The following RBMS3 variants were observed in gnomAD, a reference collection of about 807,000 sequenced individuals.
The protein encoded by RBMS3 is RNA-binding motif, single-stranded-interacting protein 3.
Under a neutral mutation model 66.8 loss-of-function variants are expected in RBMS3, and 27 were observed. The observed-to-expected ratio is 0.40, with a 90% CI of 0.30 to 0.56. The LOEUF (loss-of-function observed/expected upper bound fraction) is 0.56. Among genes scored for constraint, RBMS3 ranks in the 20% least tolerant of loss-of-function variants. The pLI, the probability that RBMS3 is intolerant of heterozygous loss-of-function variation, is 0.40. For missense variants in RBMS3, 513 were observed against 549.5 expected, an observed-to-expected ratio of 0.93 and a Z score of 0.66; for synonymous variants, 188 against 183.0, an observed-to-expected ratio of 1.03 and a Z score of -0.22.
intron 7 of RBMS3, among the ~76,000 whole-genome samples, chr3:29,875,492 G>C (rs2059591917): frequency 6.6e-6 from 1 of 151,484 alleles, no homozygotes; most frequent in African/African-American, 2.4e-5. Context: ...AAAAGAAAAG[G>C]AACTTGACAT....
intron 4 of RBMS3, among the ~76,000 whole-genome samples, chr3:29,674,936 G>A (rs577810950): frequency 6.6e-6 from 1 of 152,102 alleles, no homozygotes; most frequent in Non-Finnish European, 1.5e-5. Flanking sequence ...AAAAGAGCCT[G>A]CATTGCCAAG....
rs374511915 is a variant in RBMS3, at chr3:29,816,384, T to A, written c.638-52474T>A. On this transcript the variant is annotated intron_variant, in intron 6 of 14. Coordinates refer to ENST00000383767, the MANE Select transcript of RBMS3 (RefSeq NM_001003793.3). Reference sequence around the variant, plus strand: ...GACAGACCTCCATCATATGACCCACTCCCCTACATGCAGGTGAGCTGGGAA... The same window carrying A: ...GACAGACCTCCATCATATGACCCACACCCCTACATGCAGGTGAGCTGGGAA... Among the ~76,000 whole-genome samples, 147 of 150,086 alleles carry A rather than the reference T, an allele frequency of 9.8e-4. 1 individual carries two copies. The South Asian group carries it at 0.03, about 31-fold the overall frequency.
chr3:29,815,346 C>T (rs1357409768), intron 6 of RBMS3, among the ~76,000 whole-genome samples: 2 of 152,150 alleles, frequency 1.3e-5, no homozygotes, highest in African/African-American at 4.8e-5. Flanking sequence ...TCTTTTAGAA[C>T]TTCGAAGACT....
At chr3:29,805,050 G>A (rs867674114) in intron 6 of RBMS3, among the ~76,000 whole-genome samples, 1 of 151,752 alleles carries the variant, frequency 6.6e-6, no homozygotes, top group Non-Finnish European at 1.5e-5. Context: ...TAAATTATCT[G>A]TTCTGTGTTT....
intron 6 of RBMS3, among the ~76,000 whole-genome samples, chr3:29,866,095 A>AAAT (rs1413315271): frequency 6.6e-6 from 1 of 151,684 alleles, no homozygotes; most frequent in African/African-American, 2.4e-5. Flanking sequence ...AAAAAAAAAA[A>AAAT]AAAATTCCTC....
At chr3:29,884,464 CTCT>C (rs1559767325) in intron 8 of RBMS3, among the ~76,000 whole-genome samples, 32 of 113,600 alleles carry the variant, frequency 2.8e-4, no homozygotes, top group African/African-American at 6.1e-4. Flanking sequence ...CTCTCTCTCT[CTCT>C]CTCCCCCCCC....
chr3:29,812,472 G>A (rs529677504), intron 6 of RBMS3, among the ~76,000 whole-genome samples: 42 of 152,266 alleles, frequency 2.8e-4, no homozygotes, highest in African/African-American at 9.4e-4. Context: ...AAAGCTAAAA[G>A]CACCGGTGAA....
intron 1 of RBMS3, among the ~76,000 whole-genome samples, chr3:29,386,248 G>A (rs747582667): frequency 2.0e-5 from 3 of 151,654 alleles, no homozygotes; most frequent in Non-Finnish European, 2.9e-5. Flanking sequence ...GTGGGTTCTC[G>A]GTGCTGCCAC....
At chr3:29,350,836 G>A (rs1207998003) in intron 1 of RBMS3, among the ~76,000 whole-genome samples, 2 of 151,252 alleles carry the variant, frequency 1.3e-5, no homozygotes, top group Non-Finnish European at 2.9e-5. Flanking sequence ...GCCATAAAAG[G>A]TAAAAGAAAA....
intron 12 of RBMS3, among the ~76,000 whole-genome samples, chr3:29,977,265 T>G (rs1014094350): frequency 3.9e-5 from 6 of 152,118 alleles, no homozygotes; most frequent in Non-Finnish European, 8.8e-5. Context: ...AAACTGAAAT[T>G]TCAAATATTG....
chr3:29,789,324 G>T (rs1350182697), intron 6 of RBMS3, among the ~76,000 whole-genome samples: 2 of 151,754 alleles, frequency 1.3e-5, no homozygotes, highest in Non-Finnish European at 2.9e-5. Context: ...AAATGTAACT[G>T]ATTTTTTCTC....
chr3:29,789,278 TCTCATATATATATAATGC>T (rs1233860063), intron 6 of RBMS3, among the ~76,000 whole-genome samples: 1 of 152,094 alleles, frequency 6.6e-6, no homozygotes, highest in Non-Finnish European at 1.5e-5. Context: ...AATCTGAATA[TCTCATATATATATAATGC>T]CCATACTGAG....
chr3:29,485,702 A>G (rs2043294919), intron 2 of RBMS3, among the ~76,000 whole-genome samples: 1 of 152,228 alleles, frequency 6.6e-6, no homozygotes, highest in African/African-American at 2.4e-5. Context: ...CTCTAGCTGT[A>G]AGAAATGAAA....
At chr3:29,993,847 G>A (rs1699039214) in intron 14 of RBMS3, among the ~76,000 whole-genome samples, 1 of 152,194 alleles carries the variant, frequency 6.6e-6, no homozygotes, top group Admixed American at 6.5e-5. Context: ...GCAGATCATT[G>A]TAGATCATGG....
chr3:29,575,939 A>G (rs915715625), intron 3 of RBMS3, among the ~76,000 whole-genome samples: 3 of 151,996 alleles, frequency 2.0e-5, no homozygotes, highest in Non-Finnish European at 4.4e-5. Context: ...AATTTCCTCA[A>G]ACAGCTATTT....
intron 1 of RBMS3, among the ~76,000 whole-genome samples, chr3:29,318,613 G>A (rs1416965857): frequency 2.6e-5 from 4 of 151,902 alleles, no homozygotes; most frequent in African/African-American, 9.7e-5. Context: ...ATTGGACAGA[G>A]TTTATGATTT....
At chr3:29,652,376 T>C (rs1052490132) in intron 4 of RBMS3, among the ~76,000 whole-genome samples, 6 of 152,104 alleles carry the variant, frequency 3.9e-5, no homozygotes, top group African/African-American at 2.4e-5. Context: ...TTAAGCATTA[T>C]TAGGATGCTC....
At chr3:29,416,650 C>T (rs1017599308) in intron 1 of RBMS3, among the ~76,000 whole-genome samples, 5 of 151,792 alleles carry the variant, frequency 3.3e-5, no homozygotes, top group African/African-American at 1.2e-4. Context: ...TGTGTTATTG[C>T]TAGCTGTTTT....
intron 4 of RBMS3, among the ~76,000 whole-genome samples, chr3:29,690,530 G>T (rs2051957209): frequency 6.6e-6 from 1 of 152,286 alleles, no homozygotes; most frequent in Middle Eastern, 3.4e-3. Flanking sequence ...AATCAATTAT[G>T]TTTCTTTGTG....
Sources: allele counts gnomAD v4.1 joint callset (sites outside exome capture counted in the v4.1 genomes callset), GRCh38; gene constraint gnomAD v4.1.1; transcripts MANE v1.5; gene names NCBI Gene and HGNC (gene_info 2026-07-23, HGNC 2026-07-21).